ATXN7L1: variants seen among roughly 807,000 people sequenced by gnomAD.
The protein encoded by ATXN7L1 is ataxin 7 like 1, also known as ataxin-7-like protein 1.
ATXN7L1 carries 15 observed loss-of-function variants against 70.8 expected under a neutral mutation model. The observed-to-expected ratio is 0.21, with a 90% CI of 0.14 to 0.33. The LOEUF (loss-of-function observed/expected upper bound fraction) is 0.33, where lower values mean the gene tolerates loss of function less well. Ranked by LOEUF, ATXN7L1 falls within the 10% of genes least tolerant of loss-of-function variation. The pLI, the probability that ATXN7L1 is intolerant of heterozygous loss-of-function variation, is 1.00. For missense variants in ATXN7L1, 975 were observed against 1,097.1 expected (o/e 0.89, Z 1.57); for synonymous variants, 440 against 445.1 (o/e 0.99, Z 0.14).
chr7:105,817,219 C>G (rs908182521), intron 2 of ATXN7L1, among the ~76,000 whole-genome samples: 4 of 152,138 alleles, frequency 2.6e-5, no homozygotes, highest in African/African-American at 9.7e-5. Flanking sequence ...CACCCTCTAC[C>G]TATTGTTGAT....
At chr7:105,774,545 G>C (rs577382636) in intron 3 of ATXN7L1, among the ~76,000 whole-genome samples, 1 of 152,022 alleles carries the variant, frequency 6.6e-6, no homozygotes, top group East Asian at 1.9e-4. Context: ...TAGAGACGGG[G>C]TTTTGCCATG....
chr7:105,777,790 C>G (rs910738924), intron 3 of ATXN7L1, among the ~76,000 whole-genome samples: 4 of 152,202 alleles, frequency 2.6e-5, no homozygotes, highest in Non-Finnish European at 4.4e-5. Context: ...TCAATACCCC[C>G]CAGTGTCTTA....
chr7:105,717,736 C>T (rs1052678821), intron 3 of ATXN7L1, among the ~76,000 whole-genome samples: 7 of 152,128 alleles, frequency 4.6e-5, no homozygotes, highest in African/African-American at 1.7e-4. Context: ...AATTTCTAAA[C>T]ACTTGTCATT....
At chr7:105,872,563 T>C (rs200604517) in intron 2 of ATXN7L1, among the ~76,000 whole-genome samples, 2 of 152,118 alleles carry the variant, frequency 1.3e-5, no homozygotes, top group East Asian at 1.9e-4. Context: ...ATAAACCAGA[T>C]ACAAAAGGAT....
At chr7:105,867,012 G>A (rs1817585072) in intron 2 of ATXN7L1, among the ~76,000 whole-genome samples, 1 of 152,192 alleles carries the variant, frequency 6.6e-6, no homozygotes, top group Non-Finnish European at 1.5e-5. Flanking sequence ...GGATATAAAT[G>A]CAACCAACCC....
At chr7:105,777,848 ACT>A (rs1391153995) in intron 3 of ATXN7L1, among the ~76,000 whole-genome samples, 3 of 152,028 alleles carry the variant, frequency 2.0e-5, no homozygotes, top group Non-Finnish European at 4.4e-5. Flanking sequence ...GTTCTACATG[ACT>A]CTGACATTCT....
intron 2 of ATXN7L1, among the ~76,000 whole-genome samples, chr7:105,867,870 A>G (rs1668903447): frequency 6.6e-6 from 1 of 152,072 alleles, no homozygotes; most frequent in African/African-American, 2.4e-5. Flanking sequence ...GGGGGAGGGG[A>G]GGGAGACACT....
At chr7:105,612,991 C>T (rs942563281) in intron 10 of ATXN7L1, among the ~76,000 whole-genome samples, 5 of 152,016 alleles carry the variant, frequency 3.3e-5, no homozygotes, top group Admixed American at 6.6e-5. Flanking sequence ...CCGGCCCTCT[C>T]GTCAGACCTG....
At chr7:105,700,948 C>T (rs1262410941) in intron 3 of ATXN7L1, among the ~76,000 whole-genome samples, 1 of 152,186 alleles carries the variant, frequency 6.6e-6, no homozygotes, top group African/African-American at 2.4e-5. Flanking sequence ...TCCCAAAGTG[C>T]TGGGATTATA....
intron 2 of ATXN7L1, among the ~76,000 whole-genome samples, chr7:105,830,257 A>G (rs1410232971): frequency 6.6e-6 from 1 of 152,250 alleles, no homozygotes; most frequent in Non-Finnish European, 1.5e-5. Context: ...CTTCAACTTG[A>G]GCAGGGGTTC....
chr7:105,656,641 G>T (rs1043955908), intron 4 of ATXN7L1, among the ~76,000 whole-genome samples: 2 of 147,022 alleles, frequency 1.4e-5, no homozygotes, highest in Admixed American at 1.4e-4. Context: ...TGTGATCTTG[G>T]CTCACTGCAA....
intron 2 of ATXN7L1, among the ~76,000 whole-genome samples, chr7:105,806,755 T>G (rs1373523437): frequency 1.3e-5 from 2 of 151,788 alleles, no homozygotes; most frequent in Non-Finnish European, 2.9e-5. Context: ...AGGTGAGTCA[T>G]GAGGAAGTGC....
At chr7:105,868,010 T>C (rs963519565) in intron 2 of ATXN7L1, among the ~76,000 whole-genome samples, 1 of 152,212 alleles carries the variant, frequency 6.6e-6, no homozygotes, top group African/African-American at 2.4e-5. Context: ...TATACTACTG[T>C]GTGCTTTGCT....
chr7:105,852,674 C>A (rs962094890), intron 2 of ATXN7L1, among the ~76,000 whole-genome samples: 3 of 151,756 alleles, frequency 2.0e-5, no homozygotes, highest in Non-Finnish European at 4.4e-5. Context: ...CTCGGAAGGA[C>A]TGAAGCATCA....
intron 2 of ATXN7L1, among the ~76,000 whole-genome samples, chr7:105,843,892 ATC>A (rs1300244450): frequency 6.6e-6 from 1 of 152,218 alleles, no homozygotes; most frequent in Non-Finnish European, 1.5e-5. Context: ...ATTTGTTATT[ATC>A]TCTCACAGTT....
At chr7:105,777,288 G>C (rs959383679) in intron 3 of ATXN7L1, among the ~76,000 whole-genome samples, 2 of 152,206 alleles carry the variant, frequency 1.3e-5, no homozygotes, top group East Asian at 3.8e-4. Context: ...AATGGTGCCT[G>C]TTGGTGAAGC....
chr7:105,733,922 CCATCATCCAT>C (rs1797087332), intron 3 of ATXN7L1, among the ~76,000 whole-genome samples: 1 of 144,632 alleles, frequency 6.9e-6, no homozygotes, highest in African/African-American at 2.6e-5. Flanking sequence ...ATCCATCCAT[CCATCATCCAT>C]CATCCATCCA....
intron 3 of ATXN7L1, among the ~76,000 whole-genome samples, chr7:105,665,836 C>G (rs570017849): frequency 4.3e-4 from 65 of 152,328 alleles, no homozygotes; most frequent in Admixed American, 7.8e-4. Context: ...AGGACAGTGT[C>G]AGCACACCCC....
chr7:105,703,534 T>A (rs935063258), intron 3 of ATXN7L1, among the ~76,000 whole-genome samples: 8 of 152,202 alleles, frequency 5.3e-5, no homozygotes, highest in Admixed American at 5.2e-4. Context: ...GTTTTATTGT[T>A]GAAACTTGTG....
Sources: allele counts gnomAD v4.1 joint callset (sites outside exome capture counted in the v4.1 genomes callset), GRCh38; gene constraint gnomAD v4.1.1; transcripts MANE v1.5; gene names NCBI Gene and HGNC (gene_info 2026-07-23, HGNC 2026-07-21).